CDH13: variants seen among roughly 807,000 people sequenced by gnomAD.
The protein encoded by CDH13 is cadherin-13.
A neutral mutation model predicts 63.8 loss-of-function variants in CDH13; 24 were observed. That is an observed-to-expected ratio of 0.38 (90% CI 0.27 to 0.53). CDH13 has a LOEUF of 0.53. Ranked by LOEUF, CDH13 falls within the 20% of genes least tolerant of loss-of-function variation. CDH13 has a pLI of 0.85. For synonymous variants in CDH13, 503 were observed against 355.3 expected (o/e 1.42, Z -4.67); for missense variants, 1,049 against 903.1 (o/e 1.16, Z -2.07).
intron 3 of CDH13, among the ~76,000 whole-genome samples, chr16:83,093,585 G>A (rs771461274): frequency 3.3e-5 from 5 of 151,958 alleles, no homozygotes; most frequent in Non-Finnish European, 4.4e-5. Flanking sequence ...CTCCCAAAGT[G>A]CTGGGATTAC....
intron 6 of CDH13, among the ~76,000 whole-genome samples, chr16:83,440,662 G>C (rs76444082): frequency 6.6e-6 from 1 of 151,868 alleles, no homozygotes; most frequent in Admixed American, 6.6e-5. Flanking sequence ...GCGCACACCC[G>C]TCGTCCCAGC....
chr16:83,587,845 T>A (rs75171366), intron 7 of CDH13, among the ~76,000 whole-genome samples: 1 of 152,176 alleles, frequency 6.6e-6, no homozygotes, highest in South Asian at 2.1e-4. Flanking sequence ...AATAGCAGTT[T>A]CCCAATTTTA....
rs1406133412 is a variant in CDH13, at chr16:83,489,855, G to C, written c.960+3200G>C. Among the ~76,000 whole-genome samples, 3 of 152,264 alleles carry C rather than the reference G, an allele frequency of 2.0e-5. No individual in the cohort carries two copies. In the East Asian group the frequency reaches 5.8e-4, roughly 29 times the overall value. On this transcript the variant is annotated intron_variant, in intron 7 of 13. Coordinates refer to ENST00000567109, the MANE Select transcript of CDH13 (RefSeq NM_001257.5). ...TCATTTAAGAAAGTATCCCATTTGG[G>C]ACCCTGTGGACTTTGAGATGATTCA...
intron 1 of CDH13, among the ~76,000 whole-genome samples, chr16:82,814,844 C>G (rs1295776815): frequency 6.6e-6 from 1 of 151,968 alleles, no homozygotes; most frequent in African/African-American, 2.4e-5. Context: ...TCTTGGAGGA[C>G]CTGTGGGATG....
chr16:82,880,250 G>A (rs978347684), intron 2 of CDH13, among the ~76,000 whole-genome samples: 1 of 151,994 alleles, frequency 6.6e-6, no homozygotes, highest in Non-Finnish European at 1.5e-5. Context: ...TCTCCCACCT[G>A]AACAAATTAT....
intron 4 of CDH13, among the ~76,000 whole-genome samples, chr16:83,200,156 G>A (rs1357831831): frequency 6.6e-6 from 1 of 152,122 alleles, no homozygotes; most frequent in Non-Finnish European, 1.5e-5. Context: ...CAGAGTCTAT[G>A]TGGTGCTGAT....
intron 7 of CDH13, among the ~76,000 whole-genome samples, chr16:83,549,935 C>G (rs912906456): frequency 1.3e-5 from 2 of 152,170 alleles, no homozygotes; most frequent in African/African-American, 2.4e-5. Flanking sequence ...GCATGCCAGT[C>G]TTTCCCACTC....
intron 1 of CDH13, among the ~76,000 whole-genome samples, chr16:82,762,173 C>T (rs1258975249): frequency 6.6e-6 from 1 of 152,142 alleles, no homozygotes; most frequent in Non-Finnish European, 1.5e-5. Flanking sequence ...TCGGACTTCA[C>T]CCTGCTACTC....
At chr16:83,690,193 T>C (rs1904710287) in intron 10 of CDH13, among the ~76,000 whole-genome samples, 1 of 151,894 alleles carries the variant, frequency 6.6e-6, no homozygotes. Context: ...GAAAAAGAAA[T>C]CTGTTATCAT....
intron 2 of CDH13, among the ~76,000 whole-genome samples, chr16:82,927,337 A>T (rs1192323937): frequency 6.6e-6 from 1 of 152,186 alleles, no homozygotes; most frequent in African/African-American, 2.4e-5. Context: ...TTGCATCGTG[A>T]GCATGAGAGA....
At chr16:83,131,819 A>C (rs976265431) in intron 4 of CDH13, among the ~76,000 whole-genome samples, 1 of 152,242 alleles carries the variant, frequency 6.6e-6, no homozygotes, top group Admixed American at 6.5e-5. Context: ...TTAGAAGGCC[A>C]TCTTTAACCC....
At chr16:83,556,164 G>C (rs993892375) in intron 7 of CDH13, among the ~76,000 whole-genome samples, 3 of 152,220 alleles carry the variant, frequency 2.0e-5, no homozygotes, top group African/African-American at 7.2e-5. Flanking sequence ...TCAAACGTTA[G>C]GAGAGGCTTA....
intron 1 of CDH13, among the ~76,000 whole-genome samples, chr16:82,855,228 C>A (rs554270266): frequency 3.2e-4 from 48 of 152,210 alleles, no homozygotes; most frequent in Non-Finnish European, 5.0e-4. Flanking sequence ...TAGAGGAATC[C>A]TGAATGGGCC....
chr16:83,435,837 C>T (rs1158531431), intron 6 of CDH13, among the ~76,000 whole-genome samples: 1 of 152,206 alleles, frequency 6.6e-6, no homozygotes, highest in African/African-American at 2.4e-5. Flanking sequence ...CTGTCTCCCT[C>T]ATTGTATTGC....
At chr16:82,820,231 TA>T (rs1289537572) in intron 1 of CDH13, among the ~76,000 whole-genome samples, 1 of 152,164 alleles carries the variant, frequency 6.6e-6, no homozygotes, top group African/African-American at 2.4e-5. Flanking sequence ...AAATAGTCAA[TA>T]GTGAATGGAA....
At position 82,754,556 on chromosome 16, in the gene CDH13, A is replaced by G. The variant is rs144099201; in HGVS notation, c.46-103806A>G. Among the ~76,000 whole-genome samples the G allele has an allele frequency of 2.7e-3, 413 of 152,274 alleles. 1 individual carries two copies. The highest frequency in any genetic ancestry group is 9.5e-3 in the African/African-American group (394 of 41,560). On this transcript the variant is annotated intron_variant, in intron 1 of 13. Coordinates refer to ENST00000567109, the MANE Select transcript of CDH13 (RefSeq NM_001257.5). ...ATCAAACATTCATTTTGCTTTTCCTATTGCTAAGCATTATCAGACAGAGAC... is the reference window on the plus strand; with the variant it reads ...ATCAAACATTCATTTTGCTTTTCCTGTTGCTAAGCATTATCAGACAGAGAC...
At chr16:82,963,001 C>A (rs1237470337) in intron 2 of CDH13, among the ~76,000 whole-genome samples, 1 of 152,052 alleles carries the variant, frequency 6.6e-6, no homozygotes, top group Non-Finnish European at 1.5e-5. Context: ...TTGTAATTAA[C>A]AAATGATCAT....
chr16:82,638,643 C>T (rs1443536143), intron 1 of CDH13, among the ~76,000 whole-genome samples: 1 of 151,942 alleles, frequency 6.6e-6, no homozygotes, highest in African/African-American at 2.4e-5. Context: ...AATGCGTGGA[C>T]ATTAAAAAAA....
intron 3 of CDH13, among the ~76,000 whole-genome samples, chr16:83,043,648 C>T (rs886905806): frequency 1.3e-5 from 2 of 151,790 alleles, no homozygotes; most frequent in Non-Finnish European, 2.9e-5. Flanking sequence ...CACTTGAGGC[C>T]CGGAGTTTGA....
Sources: allele counts gnomAD v4.1 joint callset (sites outside exome capture counted in the v4.1 genomes callset), GRCh38; gene constraint gnomAD v4.1.1; transcripts MANE v1.5; gene names NCBI Gene and HGNC (gene_info 2026-07-23, HGNC 2026-07-21).